Variants in SPATA7 observed in about 807,000 individuals in gnomAD.
The protein encoded by SPATA7 is spermatogenesis associated 7.
A neutral mutation model predicts 51.8 loss-of-function variants in SPATA7; 43 were observed. The observed-to-expected ratio is 0.83, with a 90% CI of 0.65 to 1.07. The LOEUF (loss-of-function observed/expected upper bound fraction) is 1.07. SPATA7 is among the 50% of genes least tolerant of loss of function. The pLI, the probability that SPATA7 is intolerant of heterozygous loss-of-function variation, is 0.00. For missense variants in SPATA7, 683 were observed against 701.3 expected (o/e 0.97, Z 0.30); for synonymous variants, 230 against 252.8 (o/e 0.91, Z 0.86).
chr14:88,435,807 CG>C (rs2077071213), intron 10 of SPATA7, among the ~76,000 whole-genome samples: 4 of 152,208 alleles, frequency 2.6e-5, no homozygotes, highest in East Asian at 1.9e-4. Flanking sequence ...ATATGTACTA[CG>C]TTTTTTTATC....
At chr14:88,421,935 G>A (rs1360454581) in intron 5 of SPATA7, among the ~76,000 whole-genome samples, 3 of 148,232 alleles carry the variant, frequency 2.0e-5, no homozygotes, top group Non-Finnish European at 3.0e-5. Context: ...GCGACAGAGC[G>A]AGACTCCATC....
intron 5 of SPATA7, among the ~76,000 whole-genome samples, chr14:88,425,482 T>A (rs1330141743): frequency 6.6e-6 from 1 of 152,154 alleles, no homozygotes; most frequent in Non-Finnish European, 1.5e-5. Context: ...TATACAGATG[T>A]GTCCGTAAGG....
chr14:88,464,354 G>A (rs910636506), intron 4 of SPATA7, among the ~76,000 whole-genome samples: 12 of 152,114 alleles, frequency 7.9e-5, no homozygotes, highest in Admixed American at 7.9e-4. Flanking sequence ...AAACTGGAAA[G>A]GGATAGTTTT....
intron 4 of SPATA7, among the ~76,000 whole-genome samples, chr14:88,409,496 C>T (rs2076283788): frequency 6.6e-6 from 1 of 151,964 alleles, no homozygotes; most frequent in African/African-American, 2.4e-5. Flanking sequence ...CTTTATTAGT[C>T]TGGCTAGTGG....
chr14:88,446,185 AT>A (rs752317674), intron 3 of SPATA7, among the ~76,000 whole-genome samples: 1 of 152,122 alleles, frequency 6.6e-6, no homozygotes, highest in Non-Finnish European at 1.5e-5. Context: ...CTATTCAGAG[AT>A]TCAACTTTTC....
chr14:88,462,621 A>T (rs561172443), intron 4 of SPATA7, among the ~76,000 whole-genome samples: 2 of 152,336 alleles, frequency 1.3e-5, no homozygotes, highest in Admixed American at 1.3e-4. Context: ...TTGTAGGTCT[A>T]TTAACACTGA....
chr14:88,468,258 T>C (rs1242230610), intron 4 of SPATA7: 1 of 1,599,872 alleles, frequency 6.3e-7, no homozygotes, highest in East Asian at 2.2e-5. Flanking sequence ...TCTCGGGATG[T>C]CCAGCACCTA....
chr14:88,450,343 T>C (rs2077242214), intron 3 of SPATA7, among the ~76,000 whole-genome samples: 1 of 152,200 alleles, frequency 6.6e-6, no homozygotes. Flanking sequence ...TCGTACTATT[T>C]GTTGCCTGAA....
At chr14:88,457,604 T>C (rs910175602), downstream of SPATA7, among the ~76,000 whole-genome samples, 4 of 152,214 alleles carry the variant, frequency 2.6e-5, no homozygotes, top group African/African-American at 9.7e-5. Flanking sequence ...TGAAGTTGCT[T>C]ATCAGCTTAA....
chr14:88,459,789 G>T (rs1215489783), downstream of SPATA7, among the ~76,000 whole-genome samples: 3 of 152,204 alleles, frequency 2.0e-5, no homozygotes, highest in Non-Finnish European at 4.4e-5. Context: ...CTCATTAGTT[G>T]ATGCAGTTTC....
chr14:88,426,721 A>G lies in SPATA7; in HGVS notation c.845+17A>G, dbSNP rs1595271474. On this transcript the variant is annotated intron_variant, in intron 6 of 11. Coordinates refer to ENST00000393545, the MANE Select transcript of SPATA7 (RefSeq NM_018418.5). The stretch of plus-strand genomic sequence containing the variant: ...TGAATTAAGGTATGACACATCAGCA[A>G]CCAACAGTAAATCCTTCAGGAAATT... 5 of 1,581,050 alleles carry G rather than the reference A, an allele frequency of 3.2e-6. No homozygotes were observed. In the East Asian group the frequency reaches 6.7e-5, roughly 21 times the overall value.
rs536057883 is a variant in SPATA7 at position 88,446,333 on chromosome 14, C to T, written c.177+8430C>T. On this transcript the variant is annotated intron_variant, in intron 3 of 3. Coordinates refer to the SPATA7 transcript ENST00000554802. The stretch of plus-strand genomic sequence containing the variant: ...TTCTGTGGGATCGGTGGTGATATCC[C>T]CTTTATCATTTTTTATTGCATCTAT... Among the ~76,000 whole-genome samples, 102 of 152,054 alleles carry T rather than the reference C, an allele frequency of 6.7e-4. 2 individuals carry two copies. The highest frequency in any genetic ancestry group is 6.7e-3 in the Admixed American group (102 of 15,252).
intron 4 of SPATA7, among the ~76,000 whole-genome samples, chr14:88,412,496 G>C (rs967161210): frequency 6.6e-6 from 1 of 151,974 alleles, no homozygotes; most frequent in Non-Finnish European, 1.5e-5. Flanking sequence ...AACCCTTCAC[G>C]TTTTTCTGCC....
In SPATA7 at chr14:88,438,355, A is replaced by G. The variant is rs1487429161; in HGVS notation, c.1733A>G (p.His578Arg). The G allele has an allele frequency of 5.6e-6, 9 of 1,614,120 alleles. No individual in the cohort carries two copies. The East Asian group carries it at 8.9e-5, about 16-fold the overall frequency. ...TCCAGTGTCAAAGGCGACAATAATCATGACATGGAGTTATCAACTCTTAAA... is the reference window on the plus strand; with the variant it reads ...TCCAGTGTCAAAGGCGACAATAATCGTGACATGGAGTTATCAACTCTTAAA... Reference protein sequence around the residue: ...QFSSVKGDNNHDMELSTLKIM... With the variant: ...QFSSVKGDNNRDMELSTLKIM... Residue 578 changes from histidine to arginine, a missense_variant, in exon 12 of 12, where the codon CAT (histidine) becomes CGT (arginine). By Grantham distance (29) the His-to-Arg change is conservative. Transcript: ENST00000393545.
intron 4 of SPATA7, among the ~76,000 whole-genome samples, chr14:88,398,954 AGGCAGGAGAAT>A: frequency 6.6e-6 from 1 of 151,550 alleles, no homozygotes. Context: ...CGGGAGGCTG[AGGCAGGAGAAT>A]GGCGTGAACC....
At chr14:88,418,703 A>C (rs549408025) in intron 5 of SPATA7, among the ~76,000 whole-genome samples, 1 of 152,098 alleles carries the variant, frequency 6.6e-6, no homozygotes, top group Non-Finnish European at 1.5e-5. Context: ...CTAACTCCTG[A>C]CCTCAAGTGA....
At chr14:88,404,243 A>G (rs1201293130) in intron 4 of SPATA7, among the ~76,000 whole-genome samples, 1 of 152,192 alleles carries the variant, frequency 6.6e-6, no homozygotes, top group Non-Finnish European at 1.5e-5. Context: ...TAAAGTATTG[A>G]TACTTTTTAA....
chr14:88,437,930 G>C lies in SPATA7; in HGVS notation c.1308G>C (p.Leu436Phe). Reference protein sequence around the residue: ...NSVKQNDVDMLNVFDFEKAGN... With the variant: ...NSVKQNDVDMFNVFDFEKAGN... ...TAAAGCAAAATGATGTTGATATGTT[G>C]AATGTATTTGATTTTGAAAAGGCTG... The change falls in exon 12 of 12, where the codon TTG (leucine) becomes TTC (phenylalanine). Residue 436 changes from leucine to phenylalanine, a missense_variant. Leu to Phe is a conservative substitution (Grantham distance 22). Transcript: ENST00000393545. 6.2e-7 allele frequency: 1 copy of C among 1,613,756 alleles called. No individual in the cohort carries two copies. The highest frequency in any genetic ancestry group is 1.3e-5 in the African/African-American group (1 of 74,952).
chr14:88,467,998 CCATT>C, intron 4 of SPATA7: 1 of 1,092,686 alleles, frequency 9.2e-7, no homozygotes. Context: ...CAGCGTGCCG[CCATT>C]CAGACTGCGC....
Sources: gnomAD v4.1 joint callset for allele counts (sites outside exome capture counted in the v4.1 genomes callset) on GRCh38, gnomAD v4.1.1 for gene constraint, MANE v1.5 for transcripts, NCBI Gene and HGNC (gene_info 2026-07-23, HGNC 2026-07-21) for gene names.